SOCS7: variants seen among roughly 807,000 people sequenced by gnomAD.
The protein encoded by SOCS7 is suppressor of cytokine signaling 7.
SOCS7 carries 18 observed loss-of-function variants against 58.9 expected under a neutral mutation model. That is an observed-to-expected ratio of 0.31 (90% CI 0.21 to 0.45). SOCS7 has a LOEUF of 0.45. Among genes scored for constraint, SOCS7 ranks in the 20% least tolerant of loss-of-function variants. The pLI, the probability that SOCS7 is intolerant of heterozygous loss-of-function variation, is 1.00. For missense variants in SOCS7, 667 were observed against 837.3 expected (o/e 0.80, Z 2.51); for synonymous variants, 388 against 364.3 (o/e 1.06, Z -0.74).
At chr17:38,396,056 G>T in intron 9 of SOCS7, 58 bp downstream of exon 9, 2 of 1,423,540 alleles carry the variant, frequency 1.4e-6, no homozygotes, top group Non-Finnish European at 1.9e-6. Context: ...TCATCATCAT[G>T]CATTGAGCCT....
intron 6 of SOCS7, among the ~76,000 whole-genome samples, chr17:38,369,173 G>A (rs1238514700): frequency 6.6e-6 from 1 of 152,190 alleles, no homozygotes; most frequent in African/African-American, 2.4e-5. Context: ...TCAGGGACTT[G>A]CTTCCCATCC....
intron 5 of SOCS7, among the ~76,000 whole-genome samples, chr17:38,366,972 AG>A (rs2037798411): frequency 2.0e-5 from 3 of 152,254 alleles, no homozygotes; most frequent in African/African-American, 7.2e-5. Context: ...TGATTTTGAT[AG>A]ATTAACTGAC....
At chr17:38,383,481 T>C (rs191576161) in intron 7 of SOCS7, among the ~76,000 whole-genome samples, 2 of 152,294 alleles carry the variant, frequency 1.3e-5, no homozygotes, top group Non-Finnish European at 2.9e-5. Flanking sequence ...TGTGATATCC[T>C]TTGAGATGCC....
chr17:38,372,872 C>T (rs190608814), intron 6 of SOCS7, among the ~76,000 whole-genome samples: 210 of 152,206 alleles, frequency 1.4e-3, no homozygotes, highest in Non-Finnish European at 2.0e-3. Flanking sequence ...TTTGGGAGGC[C>T]GAGGCGGGCG....
At chr17:38,380,010 T>C (rs866531757) in intron 7 of SOCS7, among the ~76,000 whole-genome samples, 4 of 151,898 alleles carry the variant, frequency 2.6e-5, no homozygotes, top group Admixed American at 6.6e-5. Context: ...CCAGCAAGAG[T>C]AGGGTAGTCA....
Position 38,405,093 on chromosome 17 carries a change from T to C in SOCS7, c.*5611T>C, listed in dbSNP as rs1410830209. The C allele has an allele frequency of 6.6e-6, 1 of 152,180 alleles. No homozygotes were observed. The highest frequency in any genetic ancestry group is 2.4e-5 in the African/African-American group (1 of 41,438). The allele number at this position is 152,180 out of a possible 1,614,324, so 9.4% of individuals were successfully genotyped here. ...GCCTGGCTTTTGTCTTCCCATTTAGTTTTCCTCTTTTACCCTTCCTTTTGT... is the reference window on the plus strand; with the variant it reads ...GCCTGGCTTTTGTCTTCCCATTTAGCTTTCCTCTTTTACCCTTCCTTTTGT... On this transcript the variant is annotated 3_prime_UTR_variant, in exon 10 of 10. Transcript: ENST00000612932.
Position 38,363,683 on chromosome 17 carries a change from C to G in SOCS7, c.1046-1069C>G, listed in dbSNP as rs41409844. Among the ~76,000 whole-genome samples the G allele has an allele frequency of 5.8e-3, 887 of 152,166 alleles. 9 individuals are homozygous for G. Among genetic ancestry groups the G allele is most frequent in the African/African-American group, 0.02 (842 of 41,518 alleles). On this transcript the variant is annotated intron_variant, in intron 2 of 9. Coordinates refer to ENST00000612932, the MANE Select transcript of SOCS7 (RefSeq NM_014598.4). ...TTTTCTGTTTATCTTAATTAGTATT[C>G]AAGAGCTTTGTAAAAAAACTGTGTA...
intron 7 of SOCS7, among the ~76,000 whole-genome samples, chr17:38,392,178 G>A (rs1197507954): frequency 6.6e-6 from 1 of 152,148 alleles, no homozygotes; most frequent in African/African-American, 2.4e-5. Context: ...AACAGTAAAT[G>A]GTCAGATTAA....
intron 7 of SOCS7, among the ~76,000 whole-genome samples, chr17:38,391,087 A>G (rs1848982258): frequency 6.6e-6 from 1 of 151,880 alleles, no homozygotes; most frequent in Admixed American, 6.6e-5. Context: ...TGTTTTCTTA[A>G]TTTTAATTAT....
intron 6 of SOCS7, among the ~76,000 whole-genome samples, chr17:38,372,333 G>A (rs2037878394): frequency 1.3e-5 from 2 of 152,230 alleles, no homozygotes; most frequent in South Asian, 2.1e-4. Context: ...CACACAAACC[G>A]TACATGGCAC....
chr17:38,375,358 A>G (rs755175363), intron 6 of SOCS7, among the ~76,000 whole-genome samples: 28 of 151,382 alleles, frequency 1.8e-4, no homozygotes, highest in Middle Eastern at 3.4e-3. Context: ...TCCTCAGTCT[A>G]TTTGGTTTGA....
Position 38,352,943 on chromosome 17 carries a change from C to A in SOCS7, c.891C>A (p.Thr297=). 10 of 1,607,894 alleles carry A rather than the reference C, an allele frequency of 6.2e-6. No individual in the cohort carries two copies. The highest frequency in any genetic ancestry group is 8.5e-6 in the Non-Finnish European group (10 of 1,178,470). The change falls in exon 1 of 10, where the codon ACC becomes ACA. Residue 297 remains threonine (T), a synonymous_variant. Transcript: ENST00000612932. The surrounding 1 kb of genome is among the most constrained non-coding windows in gnomAD (Gnocchi z 5.5). ...CNGGSGGGDG[T]GKRPSGELAA... ...GTGGCTCCGGCGGTGGGGATGGGAC[C>A]GGCAAGAGGCCTTCTGGAGAGCTGG...
chr17:38,384,095 C>A (rs1345333537), intron 7 of SOCS7, among the ~76,000 whole-genome samples: 2 of 152,130 alleles, frequency 1.3e-5, no homozygotes, highest in African/African-American at 2.4e-5. Context: ...CACCGTAAGA[C>A]TCCCTTGAGG....
At chr17:38,371,276 A>G (rs1009906821) in intron 6 of SOCS7, among the ~76,000 whole-genome samples, 1 of 130,814 alleles carries the variant, frequency 7.6e-6, no homozygotes, top group African/African-American at 3.2e-5. Flanking sequence ...TCCATGCCCA[A>G]CTTTTTTTTT....
chr17:38,392,250 A>T (rs1245917446), intron 7 of SOCS7, among the ~76,000 whole-genome samples: 1 of 152,228 alleles, frequency 6.6e-6, no homozygotes, highest in African/African-American at 2.4e-5. Flanking sequence ...TAAAGGCTAA[A>T]AGTAATACAA....
chr17:38,360,753 A>G (rs1161156402), intron 1 of SOCS7, among the ~76,000 whole-genome samples: 2 of 149,222 alleles, frequency 1.3e-5, no homozygotes, highest in South Asian at 2.2e-4. Context: ...GTTAGCCAGG[A>G]TGGTCTTGAT....
intron 7 of SOCS7, among the ~76,000 whole-genome samples, chr17:38,380,318 G>A (rs2037984354): frequency 6.6e-6 from 1 of 151,990 alleles, no homozygotes; most frequent in Admixed American, 6.6e-5. Context: ...CTCAAAGTTA[G>A]GTAATATAGA....
intron 6 of SOCS7, among the ~76,000 whole-genome samples, chr17:38,370,940 C>T (rs545771411): frequency 4.6e-5 from 7 of 152,210 alleles, no homozygotes; most frequent in Middle Eastern, 3.4e-3. Context: ...TGAGCCACGG[C>T]GCCCGGCCTT....
intron 2 of SOCS7, among the ~76,000 whole-genome samples, chr17:38,362,201 G>A (rs1393737798): frequency 6.6e-6 from 1 of 152,182 alleles, no homozygotes; most frequent in Non-Finnish European, 1.5e-5. Flanking sequence ...TATTTTTAAA[G>A]ACTTTTTTGG....
Sources: allele counts gnomAD v4.1 joint callset (sites outside exome capture counted in the v4.1 genomes callset), GRCh38; gene constraint gnomAD v4.1.1; non-coding constraint Gnocchi (gnomAD v3.1); transcripts MANE v1.5; gene names NCBI Gene and HGNC (gene_info 2026-07-23, HGNC 2026-07-21).